ARHGEF28: variants seen among roughly 807,000 people sequenced by gnomAD.
ARHGEF28 encodes Rho guanine nucleotide exchange factor 28.
In ARHGEF28, 152 loss-of-function variants were observed where a neutral mutation model predicts 206.6. The observed-to-expected ratio is 0.74, with a 90% CI of 0.64 to 0.84. ARHGEF28 has a LOEUF of 0.84. Ranked by LOEUF, ARHGEF28 falls within the 40% of genes least tolerant of loss-of-function variation. The pLI is 0.00. For synonymous variants in ARHGEF28, 763 were observed against 776.4 expected (o/e 0.98, Z 0.29); for missense variants, 2,028 against 2,073.2 (o/e 0.98, Z 0.42).
chr5:73,864,416 G>T (rs1369775540), intron 16 of ARHGEF28, among the ~76,000 whole-genome samples: 9 of 152,180 alleles, frequency 5.9e-5, no homozygotes, highest in African/African-American at 2.2e-4. Context: ...TCTTCTGGTT[G>T]TGGTAGGCAT....
intron 1 of ARHGEF28, among the ~76,000 whole-genome samples, chr5:73,636,873 A>T (rs147301528): frequency 1.3e-5 from 2 of 152,146 alleles, no homozygotes; most frequent in Non-Finnish European, 2.9e-5. Flanking sequence ...CCTCCCTCAC[A>T]TTACGAGCAT....
intron 1 of ARHGEF28, among the ~76,000 whole-genome samples, chr5:73,673,634 T>C (rs1746481494): frequency 6.6e-6 from 1 of 152,166 alleles, no homozygotes; most frequent in Admixed American, 6.5e-5. Context: ...GTGATTTCAT[T>C]TGAAATAAAT....
Position 73,832,322 on chromosome 5 carries a change from C to T in ARHGEF28, c.1025-16C>T. 1 of 1,611,686 alleles carries T rather than the reference C, an allele frequency of 6.2e-7. No homozygotes were observed. The highest frequency in any genetic ancestry group is 8.5e-7 in the Non-Finnish European group (1 of 1,178,674). ...CCTTCTCCTTTATTTGCCCTGTTTTCATTTTTGTACTCTAGATCGCTCCTT... is the reference window on the plus strand; with the variant it reads ...CCTTCTCCTTTATTTGCCCTGTTTTTATTTTTGTACTCTAGATCGCTCCTT... On this transcript the variant is annotated splice_polypyrimidine_tract_variant and intron_variant, in intron 9 of 35. Coordinates refer to ENST00000513042, the MANE Select transcript of ARHGEF28 (RefSeq NM_001177693.2).
At position 73,883,813 on chromosome 5, in the gene ARHGEF28, G is replaced by A; in HGVS notation, c.2984G>A (p.Cys995Tyr). 6.3e-7 allele frequency: 1 copy of A among 1,575,784 alleles called. No individual in the cohort carries two copies. Among genetic ancestry groups the A allele is most frequent in the South Asian group, 1.2e-5 (1 of 84,212 alleles). ...LLARRRGIPE[C>Y]ILLVTQRITK... The stretch of plus-strand genomic sequence containing the variant: ...GCTCGACGCCGAGGAATTCCAGAAT[G>A]CATTCTGTTGGTCACTCAGCGTATT... Residue 995 changes from cysteine (C) to tyrosine (Y), a missense_variant, in exon 24 of 36, where the codon TGC (cysteine) becomes TAC (tyrosine). This residue lies in a region of ARHGEF28 where 223 missense variants were observed against 289.9 expected (regional missense o/e 0.77). Transcript: ENST00000513042.
intron 3 of ARHGEF28, among the ~76,000 whole-genome samples, chr5:73,752,579 A>T (rs76345117): frequency 0.026 from 3,983 of 152,270 alleles, 154 homozygotes; most frequent in African/African-American, 0.083. Context: ...TGAAGACAAC[A>T]AACACAAATT....
At chr5:73,857,600 T>G in intron 14 of ARHGEF28, 56 bp from the exon 15 acceptor site, 1 of 1,521,432 alleles carries the variant, frequency 6.6e-7, no homozygotes, top group Non-Finnish European at 8.9e-7. Flanking sequence ...CACACACACG[T>G]ATATGCTATT....
At chr5:73,920,061 G>T (rs1054052281) in intron 35 of ARHGEF28, among the ~76,000 whole-genome samples, 2 of 152,184 alleles carry the variant, frequency 1.3e-5, no homozygotes, top group Non-Finnish European at 2.9e-5. Context: ...TAGCAGAAAT[G>T]AAAGCAACCA....
chr5:73,736,168 C>A (rs1750916679), intron 2 of ARHGEF28, among the ~76,000 whole-genome samples: 1 of 152,232 alleles, frequency 6.6e-6, no homozygotes, highest in Non-Finnish European at 1.5e-5. Context: ...ATGGTCATTT[C>A]TTCGAAGTAC....
intron 1 of ARHGEF28, among the ~76,000 whole-genome samples, chr5:73,639,966 T>C (rs1360433311): frequency 2.0e-5 from 3 of 152,212 alleles, no homozygotes; most frequent in South Asian, 2.1e-4. Flanking sequence ...AAGTGTTGCT[T>C]TTTATATTCT....
At chr5:73,807,175 C>T (rs1227174580) in intron 9 of ARHGEF28, among the ~76,000 whole-genome samples, 2 of 152,008 alleles carry the variant, frequency 1.3e-5, no homozygotes, top group Admixed American at 1.3e-4. Context: ...CCTATCCCTG[C>T]ACCCCTGCTC....
At chr5:73,782,093 C>T (rs998745881) in intron 7 of ARHGEF28, among the ~76,000 whole-genome samples, 2 of 147,006 alleles carry the variant, frequency 1.4e-5, no homozygotes, top group Non-Finnish European at 3.0e-5. Flanking sequence ...AGGTATTTGT[C>T]AGATACTATG....
chr5:73,857,831 T>C, intron 15 of ARHGEF28, 52 bp downstream of exon 15: 1 of 1,553,084 alleles, frequency 6.4e-7, no homozygotes, highest in Non-Finnish European at 8.7e-7. Flanking sequence ...TTTTAGTTTC[T>C]CAGCAGTTAG....
At chr5:73,753,281 C>T in intron 4 of ARHGEF28, 79 bp downstream of exon 4, 4 of 1,406,018 alleles carry the variant, frequency 2.8e-6, no homozygotes, top group Non-Finnish European at 3.7e-6. Context: ...CTGTGTGTTC[C>T]CCTCGGCAGG....
intron 23 of ARHGEF28, 99 bp from the exon 24 acceptor site, chr5:73,883,668 A>C (rs1467602932): frequency 3.1e-6 from 2 of 636,828 alleles, no homozygotes; most frequent in Non-Finnish European, 5.0e-6. Context: ...TTAAGTCTGC[A>C]TAAAATTGTA....
intron 9 of ARHGEF28, among the ~76,000 whole-genome samples, chr5:73,825,589 C>G (rs1046804807): frequency 4.2e-4 from 64 of 152,252 alleles, no homozygotes; most frequent in African/African-American, 1.5e-3. Context: ...TTTGTCTATC[C>G]TGTGGCGAAA....
Position 73,886,011 on chromosome 5 carries a change from C to T in ARHGEF28, c.3217C>T (p.His1073Tyr). The change falls in exon 25 of 36, where the codon CAT (histidine) becomes TAT (tyrosine). Residue 1073 changes from histidine (H) to tyrosine (Y), a missense_variant. By Grantham distance (83) the His-to-Tyr change is moderately conservative (BLOSUM62 2). Transcript: ENST00000513042. ...AACATACACGAAGCTCAAAAATGGA[C>T]ATGTGTTTAGGAAGCAGGCACTGAT... ...NKTYTKLKNGHVFRKQALMSE... is the reference protein window; with the variant it reads ...NKTYTKLKNGYVFRKQALMSE... 1 of 1,613,864 alleles carries T rather than the reference C, an allele frequency of 6.2e-7. No individual in the cohort carries two copies. Among genetic ancestry groups the T allele is most frequent in the South Asian group, 1.1e-5 (1 of 91,070 alleles).
intron 1 of ARHGEF28, among the ~76,000 whole-genome samples, chr5:73,628,090 A>G (rs1313810643): frequency 6.6e-6 from 1 of 151,578 alleles, no homozygotes; most frequent in Admixed American, 6.6e-5. Context: ...TGGGTTTCAT[A>G]CTTTTTTTTT....
At chr5:73,643,272 TG>T (rs1436600124) in intron 1 of ARHGEF28, among the ~76,000 whole-genome samples, 2 of 152,242 alleles carry the variant, frequency 1.3e-5, no homozygotes, top group African/African-American at 4.8e-5. Context: ...GAATGAGAGC[TG>T]TGAGTTATAA....
intron 9 of ARHGEF28, among the ~76,000 whole-genome samples, chr5:73,800,183 T>A (rs1179709747): frequency 2.0e-5 from 3 of 152,232 alleles, no homozygotes; most frequent in African/African-American, 7.2e-5. Context: ...ATTTCTTTTT[T>A]ACGTAGCTGT....
Sources: gnomAD v4.1 joint callset for allele counts (sites outside exome capture counted in the v4.1 genomes callset) on GRCh38, gnomAD v4.1.1 for gene constraint, gnomAD v4.1.1 regional missense constraint, MANE v1.5 for transcripts, NCBI Gene and HGNC (gene_info 2026-07-23, HGNC 2026-07-21) for gene names.